The following GSK3A variants were observed in gnomAD, a reference collection of about 807,000 sequenced individuals.
GSK3A encodes the protein glycogen synthase kinase 3 alpha, also known as glycogen synthase kinase-3 alpha.
A neutral mutation model predicts 56.6 loss-of-function variants in GSK3A; 14 were observed. That is an observed-to-expected ratio of 0.25 (90% confidence interval 0.16 to 0.39). GSK3A has a LOEUF of 0.39. Ranked by LOEUF, GSK3A falls within the 10% of genes least tolerant of loss-of-function variation. The probability of loss-of-function intolerance (pLI) is 1.00; values close to 1 mark genes in which losing one functional copy is unlikely to be tolerated. For synonymous variants in GSK3A, 301 were observed against 285.0 expected (o/e 1.06, Z -0.56); for missense variants, 450 against 656.0 (o/e 0.69, Z 3.43).
In GSK3A at chr19:42,242,310, A is replaced by C. The variant is rs1391000528; in HGVS notation, c.156T>G (p.Ser52=). 16 of 1,436,386 alleles carry C rather than the reference A, an allele frequency of 1.1e-5. No individual in the cohort carries two copies. 89.0% of individuals were successfully genotyped at this position (1,436,386 alleles called of 1,614,324 possible). A position where few individuals can be genotyped will look rare whatever the true frequency, so the allele number is the denominator to read the frequency against. ...GPGGTGGGKA[S]VGAMGGGVGA... ...CGACGCCCCCACCCATGGCCCCGACAGATGCCTTTCCGCCGCCGGTGCCGC... is the reference window on the plus strand; with the variant it reads ...CGACGCCCCCACCCATGGCCCCGACCGATGCCTTTCCGCCGCCGGTGCCGC... Residue 52 remains serine (S), a synonymous_variant, in exon 1 of 11, where the codon TCT becomes TCG. Transcript: ENST00000222330.
intron 10 of GSK3A, among the ~76,000 whole-genome samples, chr19:42,231,441 A>G (rs573077492): frequency 6.6e-6 from 1 of 152,254 alleles, no homozygotes; most frequent in African/African-American, 2.4e-5. Flanking sequence ...CTTCCCCAAG[A>G]GAAACAGGAA....
rs540584253 is a variant in GSK3A at position 42,242,202 on chromosome 19, C to A, written c.264G>T (p.Pro88=). ...GGPGAGTSFP[P]PGVKLGRDSG... Reference sequence around the variant, plus strand: ...ACTCACGGCCCAGCTTCACCCCGGGCGGCGGGAAGCTAGTGCCTGCGCCGG... The same window carrying A: ...ACTCACGGCCCAGCTTCACCCCGGGAGGCGGGAAGCTAGTGCCTGCGCCGG... Residue 88 remains proline (P), a synonymous_variant, in exon 1 of 11, where the codon CCG becomes CCT. Transcript: ENST00000222330. 3,055 of 1,435,344 alleles carry A rather than the reference C, an allele frequency of 2.1e-3. 12 individuals carry two copies. The highest frequency in any genetic ancestry group is 5.9e-3 in the Middle Eastern group (32 of 5,428). The allele number at this position is 1,435,344 out of a possible 1,614,324, so 88.9% of individuals were successfully genotyped here.
At chr19:42,237,466 G>C (rs2036264267) in intron 2 of GSK3A, among the ~76,000 whole-genome samples, 1 of 151,906 alleles carries the variant, frequency 6.6e-6, no homozygotes, top group African/African-American at 2.4e-5. Context: ...GGGATTACAG[G>C]CGTGAGGCAC....
intron 10 of GSK3A, 137 bp from the exon 11 acceptor site, chr19:42,231,004 A>C (rs1323595126): frequency 1.4e-6 from 1 of 695,840 alleles, no homozygotes; most frequent in African/African-American, 1.8e-5. Context: ...AAGGGTTGCA[A>C]ACTCAAGTGC....
At chr19:42,240,307 CT>C in intron 1 of GSK3A, 165 bp from the exon 2 acceptor site, 1 of 637,376 alleles carries the variant, frequency 1.6e-6, no homozygotes, top group Non-Finnish European at 2.8e-6. Flanking sequence ...TTCCCAGTGA[CT>C]TTTCCCCTCT....
At chr19:42,238,435 G>A (rs151057870) in intron 2 of GSK3A, among the ~76,000 whole-genome samples, 5 of 148,754 alleles carry the variant, frequency 3.4e-5, no homozygotes, top group South Asian at 2.1e-4. Context: ...GTGAAACCCC[G>A]TCCCTACTAG....
rs1230864468 is a variant in GSK3A at position 42,242,360 on chromosome 19, G to GGCC, written c.103_105dup (p.Gly35dup). 60 of 1,405,112 alleles carry GGCC rather than the reference G, an allele frequency of 4.3e-5. No homozygotes were observed. Among genetic ancestry groups the GGCC allele is most frequent in the Admixed American group, 2.0e-4 (7 of 34,462 alleles). The allele number at this position is 1,405,112 out of a possible 1,614,324, so 87.0% of individuals were successfully genotyped here. A position where few individuals can be genotyped will look rare whatever the true frequency, so the allele number is the denominator to read the frequency against. ...CCTGGGCCGGAGGCCGAGCCTCCGGGGCCGCCGCCGCCTCCTCCGCCTCCG... is the reference window on the plus strand; with the variant it reads ...CCTGGGCCGGAGGCCGAGCCTCCGGGGCCGCCGCCGCCGCCTCCTCCGCCTCCG... On this transcript the variant is annotated inframe_insertion, in exon 1 of 11. Coordinates refer to ENST00000222330, the MANE Select transcript of GSK3A (RefSeq NM_019884.3).
chr19:42,235,739 G>C (rs1011345870), intron 4 of GSK3A, among the ~76,000 whole-genome samples: 1 of 152,148 alleles, frequency 6.6e-6, no homozygotes, highest in African/African-American at 2.4e-5. Flanking sequence ...CTGTGATGAC[G>C]CCTTTCTACC....
chr19:42,233,271 A>ACCCC lies in GSK3A; in HGVS notation c.1002+14_1002+15insGGGG. On this transcript the variant is annotated intron_variant, in intron 7 of 10. Coordinates refer to ENST00000222330, the MANE Select transcript of GSK3A (RefSeq NM_019884.3). ...CTCAGCCCCACCCCCTGCCCAGCCC[A>ACCCC]GCCCCGCCCCTCACCTTGATGATCT... 2.4e-6 allele frequency: 1 copy of ACCCC among 424,240 alleles called. No homozygotes were observed. Among genetic ancestry groups the ACCCC allele is most frequent in the Admixed American group, 3.6e-5 (1 of 27,826 alleles). 26.3% of individuals were successfully genotyped at this position (424,240 alleles called of 1,614,324 possible).
At position 42,235,414 on chromosome 19, in the gene GSK3A, C is replaced by G. The variant is rs538975868; in HGVS notation, c.667-736G>C. On this transcript the variant is annotated intron_variant, in intron 4 of 10. Transcript: ENST00000222330. ...ACCCCTGAGCCTGCCCCCTCTCCAG[C>G]TCCATTTTCCTGCCACTCTCCCTCC... Among the ~76,000 whole-genome samples, 9 of 152,298 alleles carry G rather than the reference C, an allele frequency of 5.9e-5. No homozygotes were observed. In the East Asian group the frequency reaches 1.7e-3, roughly 29 times the overall value.
Position 42,234,426 on chromosome 19 carries a change from G to C in GSK3A, c.831C>G (p.Val277=). ...AKQLVRGEPN[V]SYICSRYYRA... is the part of the protein sequence containing the mutation. ...GGTAGTAGCGAGAACAGATGTAGGA[G>C]ACATTGGGCTCCCCTCGGACCAACT... Residue 277 remains valine (V), a synonymous_variant, in exon 6 of 11, where the codon GTC becomes GTG. Transcript: ENST00000222330. This position sits in a 1 kb window ranked among gnomAD's most constrained non-coding sequence, Gnocchi z 5.7. 1 of 1,614,196 alleles carries C rather than the reference G, an allele frequency of 6.2e-7. No homozygotes were observed. Among genetic ancestry groups the C allele is most frequent in the Non-Finnish European group, 8.5e-7 (1 of 1,180,014 alleles).
At chr19:42,241,062 C>G (rs2036288382) in intron 1 of GSK3A, 1 of 152,018 alleles carries the variant, frequency 6.6e-6, no homozygotes, top group Admixed American at 6.5e-5. Flanking sequence ...GTGGCACGAT[C>G]TCGACTCACT....
At chr19:42,236,799 AAGGC>A (rs985626578) in intron 3 of GSK3A, 55 bp downstream of exon 3, 40 of 1,496,592 alleles carry the variant, frequency 2.7e-5, no homozygotes, top group Non-Finnish European at 3.5e-5. Flanking sequence ...CAGTGGGGGA[AAGGC>A]AGGCAGGCAG....
intron 1 of GSK3A, chr19:42,241,832 C>T (rs1392911095): frequency 4.9e-6 from 1 of 203,082 alleles, no homozygotes; most frequent in African/African-American, 2.3e-5. Context: ...AGACAATAAC[C>T]CTAGATCCCC....
chr19:42,233,208 G>A lies in GSK3A; in HGVS notation c.1003-3C>T. 6.2e-7 allele frequency: 1 copy of A among 1,604,554 alleles called. No homozygotes were observed. The highest frequency in any genetic ancestry group is 8.5e-7 in the Non-Finnish European group (1 of 1,174,192). On this transcript the variant is annotated splice_polypyrimidine_tract_variant and splice_region_variant and intron_variant, in intron 7 of 10. Transcript: ENST00000222330. ...TCCCGGGTTGGTGTTCCCAGCACCT[G>A]TAAAGAGAGGGAGGGGTCTGAGACA...
intron 7 of GSK3A, 32 bp downstream of exon 7, chr19:42,233,254 C>CA: frequency 1.9e-6 from 3 of 1,542,676 alleles, no homozygotes; most frequent in Non-Finnish European, 2.7e-6. Flanking sequence ...CCCTCAGCCC[C>CA]ACCCCCTGCC....
In GSK3A at chr19:42,234,303, C is replaced by T. The variant is rs752747607; in HGVS notation, c.904+50G>A. ...TTGGCATACAGCACACAGAAAACTC[C>T]AAAACTTCCCAGATTGCCACTCCCC... is the stretch of plus-strand genomic sequence containing the variant. On this transcript the variant is annotated intron_variant, in intron 6 of 10. Transcript: ENST00000222330. The surrounding 1 kb of genome is among the most constrained non-coding windows in gnomAD (Gnocchi z 5.7). 1 of 1,419,284 alleles carries T rather than the reference C, an allele frequency of 7.0e-7. No individual in the cohort carries two copies. The allele number at this position is 1,419,284 out of a possible 1,614,324, so 87.9% of individuals were successfully genotyped here.
rs763967845 is a variant in GSK3A at position 42,242,264 on chromosome 19, C to T, written c.202G>A (p.Gly68Arg). The T allele has an allele frequency of 2.2e-5, 32 of 1,437,008 alleles. No individual in the cohort carries two copies. The African/African-American group carries it at 4.3e-4, about 19-fold the overall frequency. The allele number at this position is 1,437,008 out of a possible 1,614,324, so 89.0% of individuals were successfully genotyped here. ...GGVGASSSGG[G>R]PGGSGGGGSG... ...CCTCCTCCGCCGCTGCCGCCGGGTCCACCCCCGGAGCTCGAGGCCCCGACG... is the reference window on the plus strand; with the variant it reads ...CCTCCTCCGCCGCTGCCGCCGGGTCTACCCCCGGAGCTCGAGGCCCCGACG... Residue 68 changes from glycine (G) to arginine (R), a missense_variant, in exon 1 of 11, where the codon GGA (glycine) becomes AGA (arginine). Gly to Arg is a moderately radical substitution (Grantham distance 125, BLOSUM62 -2). Coordinates refer to ENST00000222330, the MANE Select transcript of GSK3A (RefSeq NM_019884.3).
At chr19:42,233,835 G>A (rs995996615) in intron 6 of GSK3A, among the ~76,000 whole-genome samples, 1 of 152,150 alleles carries the variant, frequency 6.6e-6, no homozygotes, top group African/African-American at 2.4e-5. Flanking sequence ...CACAGCACGA[G>A]TTCATACCTA....
Sources: allele counts gnomAD v4.1 joint callset (sites outside exome capture counted in the v4.1 genomes callset), GRCh38; gene constraint gnomAD v4.1.1; non-coding constraint Gnocchi (gnomAD v3.1); transcripts MANE v1.5; gene names NCBI Gene and HGNC (gene_info 2026-07-23, HGNC 2026-07-21).